CPNE4: variants seen among roughly 807,000 people sequenced by gnomAD.
CPNE4 encodes the protein copine 4.
Under a neutral mutation model 67.9 loss-of-function variants are expected in CPNE4, and 25 were observed. The ratio of observed to expected loss-of-function variants is 0.37; its 90% CI spans 0.27 to 0.51. The LOEUF is 0.51. Among genes scored for constraint, CPNE4 ranks in the 20% least tolerant of loss-of-function variants. The probability of loss-of-function intolerance (pLI) is 0.93; values close to 1 mark genes in which losing one functional copy is unlikely to be tolerated. For missense variants in CPNE4, 464 were observed against 690.8 expected (o/e 0.67, Z 3.68); for synonymous variants, 242 against 244.9 (o/e 0.99, Z 0.11).
chr3:131,723,404 C>T lies in CPNE4; in HGVS notation c.360+42G>A, dbSNP rs201630793. 646 of 1,576,068 alleles carry T rather than the reference C, an allele frequency of 4.1e-4. 3 individuals are homozygous for T. Among genetic ancestry groups the T allele is most frequent in the South Asian group, 8.7e-4 (78 of 89,288 alleles). ...AGGGAAAGGGGGCAGGAAGAAAGGC[C>T]CTAGGATGGCAAGGAGGAGGAAGGG... On this transcript the variant is annotated intron_variant, in intron 3 of 15. Coordinates refer to ENST00000429747, the MANE Select transcript of CPNE4 (RefSeq NM_130808.3).
intron 1 of CPNE4, among the ~76,000 whole-genome samples, chr3:132,028,138 T>C: frequency 6.6e-6 from 1 of 152,206 alleles, no homozygotes; most frequent in East Asian, 1.9e-4. Context: ...CTGTTAAGAA[T>C]ACATACAAAC....
At chr3:131,767,038 A>T (rs2083037005) in intron 2 of CPNE4, among the ~76,000 whole-genome samples, 1 of 152,132 alleles carries the variant, frequency 6.6e-6, no homozygotes, top group African/African-American at 2.4e-5. Context: ...GTTTTAAGTA[A>T]TTTTTTTCTC....
At chr3:131,864,671 C>T (rs1359727047) in intron 2 of CPNE4, among the ~76,000 whole-genome samples, 2 of 151,958 alleles carry the variant, frequency 1.3e-5, no homozygotes, top group Admixed American at 6.6e-5. Context: ...ATTTGACTTC[C>T]TCTTTTCCTA....
intron 1 of CPNE4, among the ~76,000 whole-genome samples, chr3:132,016,104 C>T (rs532683651): frequency 1.3e-5 from 2 of 152,318 alleles, no homozygotes; most frequent in Non-Finnish European, 2.9e-5. Flanking sequence ...AAGATAACTT[C>T]TAAGATTCTT....
At chr3:131,750,043 C>T (rs1314659029) in intron 2 of CPNE4, among the ~76,000 whole-genome samples, 1 of 152,162 alleles carries the variant, frequency 6.6e-6, no homozygotes, top group Non-Finnish European at 1.5e-5. Flanking sequence ...CTCTCTTACT[C>T]TTCCTACAAA....
At chr3:131,733,916 C>A (rs542910855) in intron 2 of CPNE4, among the ~76,000 whole-genome samples, 1 of 152,334 alleles carries the variant, frequency 6.6e-6, no homozygotes, top group East Asian at 1.9e-4. Flanking sequence ...CACCCCAGGT[C>A]TGACATGCTC....
intron 7 of CPNE4, among the ~76,000 whole-genome samples, chr3:131,664,878 T>C (rs1484346330): frequency 1.3e-5 from 2 of 152,162 alleles, no homozygotes; most frequent in Non-Finnish European, 2.9e-5. Flanking sequence ...AAAGTAGTAG[T>C]GTAATGCCTT....
chr3:131,748,077 A>T (rs2082535968), intron 2 of CPNE4, among the ~76,000 whole-genome samples: 1 of 151,980 alleles, frequency 6.6e-6, no homozygotes, highest in Non-Finnish European at 1.5e-5. Context: ...AATTTTCTCA[A>T]ATGCTTTTTT....
chr3:131,924,982 T>C (rs1196259365), intron 1 of CPNE4, among the ~76,000 whole-genome samples: 2 of 152,206 alleles, frequency 1.3e-5, no homozygotes, highest in African/African-American at 4.8e-5. Context: ...GGACAGATCC[T>C]GTTTTTCAGG....
intron 6 of CPNE4, among the ~76,000 whole-genome samples, chr3:131,676,029 CTATTATTATTAT>C (rs34007329): frequency 0.083 from 11,428 of 138,440 alleles, 1,351 homozygotes; most frequent in African/African-American, 0.27. Flanking sequence ...ATGTTATAAC[CTATTATTATTAT>C]TATTATTATT....
intron 1 of CPNE4, among the ~76,000 whole-genome samples, chr3:131,963,246 A>G (rs1041342504): frequency 2.0e-5 from 3 of 152,120 alleles, no homozygotes; most frequent in Non-Finnish European, 4.4e-5. Flanking sequence ...TACAACCCAC[A>G]GACCAGGGGA....
chr3:131,802,451 T>C (rs1006264225), intron 2 of CPNE4, among the ~76,000 whole-genome samples: 2 of 152,174 alleles, frequency 1.3e-5, no homozygotes, highest in African/African-American at 4.8e-5. Context: ...CTCTTCTGGT[T>C]TGCACAGAAG....
At chr3:131,613,634 T>TTTGGCA (rs1395732451) in intron 7 of CPNE4, among the ~76,000 whole-genome samples, 4 of 152,216 alleles carry the variant, frequency 2.6e-5, no homozygotes, top group Non-Finnish European at 5.9e-5. Context: ...TAAGTATTGC[T>TTTGGCA]TTGGCATGTG....
At chr3:132,038,003 C>CTTTTTTTTTTT (rs35184182), upstream of CPNE4, 1 of 145,462 alleles carries the variant, frequency 6.9e-6, no homozygotes, top group Non-Finnish European at 1.5e-5. Flanking sequence ...TATTTTCTTT[C>CTTTTTTTTTTT]TTTTTTTTTT....
intron 7 of CPNE4, among the ~76,000 whole-genome samples, chr3:131,622,126 A>G (rs761561108): frequency 6.6e-6 from 1 of 152,028 alleles, no homozygotes; most frequent in Non-Finnish European, 1.5e-5. Context: ...TCTTAAGCCC[A>G]TGTCTCCTGA....
intron 2 of CPNE4, among the ~76,000 whole-genome samples, chr3:131,736,797 C>T (rs2082244859): frequency 1.3e-5 from 2 of 152,206 alleles, no homozygotes; most frequent in East Asian, 1.9e-4. Context: ...ATGATATCAA[C>T]TCCTTTTCTA....
At chr3:131,646,105 A>T (rs1391677266) in intron 7 of CPNE4, among the ~76,000 whole-genome samples, 1 of 152,190 alleles carries the variant, frequency 6.6e-6, no homozygotes, top group Admixed American at 6.5e-5. Flanking sequence ...ACACAAACAG[A>T]AGGAAAATAA....
Position 131,897,440 on chromosome 3 carries a change from C to G in CPNE4, c.180+7824G>C, listed in dbSNP as rs184023742. On this transcript the variant is annotated intron_variant, in intron 2 of 15. Coordinates refer to ENST00000429747, the MANE Select transcript of CPNE4 (RefSeq NM_130808.3). ...GGTACTCATTATTCTGAGAGGAAGA[C>G]AGTGAAGGATAGCAGGAGGACAGTT... 4.6e-3 allele frequency among the ~76,000 whole-genome samples: 693 copies of G among 152,218 alleles called. 2 individuals carry two copies. The highest frequency in any genetic ancestry group is 6.8e-3 in the Non-Finnish European group (463 of 68,006).
At chr3:131,610,282 C>G (rs753631476) in intron 7 of CPNE4, among the ~76,000 whole-genome samples, 3 of 152,286 alleles carry the variant, frequency 2.0e-5, no homozygotes, top group African/African-American at 7.2e-5. Context: ...ATTGTAAATG[C>G]TATCTTAGAG....
Sources: gnomAD v4.1 joint callset for allele counts (sites outside exome capture counted in the v4.1 genomes callset) on GRCh38, gnomAD v4.1.1 for gene constraint, MANE v1.5 for transcripts, NCBI Gene and HGNC (gene_info 2026-07-23, HGNC 2026-07-21) for gene names.